MACROD2: variants seen among roughly 807,000 people sequenced by gnomAD.
MACROD2 encodes the protein ADP-ribose glycohydrolase MACROD2.
In MACROD2, 36 loss-of-function variants were observed where a neutral mutation model predicts 70.4. The observed-to-expected ratio is 0.51, with a 90% confidence interval of 0.39 to 0.68. The LOEUF is 0.68. Among genes scored for constraint, MACROD2 ranks in the 30% least tolerant of loss-of-function variants. The probability of loss-of-function intolerance (pLI) is 0.00; values close to 1 mark genes in which losing one functional copy is unlikely to be tolerated. For missense variants in MACROD2, 496 were observed against 538.4 expected, an observed-to-expected ratio of 0.92 and a Z score of 0.78; for synonymous variants, 172 against 178.8, an observed-to-expected ratio of 0.96 and a Z score of 0.30.
chr20:14,380,744 C>A (rs1568586178), intron 3 of MACROD2, among the ~76,000 whole-genome samples: 1 of 152,102 alleles, frequency 6.6e-6, no homozygotes, highest in Non-Finnish European at 1.5e-5. Context: ...TCCAGACTCT[C>A]AATCTGTTTC....
intron 3 of MACROD2, among the ~76,000 whole-genome samples, chr20:14,130,289 T>G (rs576603665): frequency 6.6e-6 from 1 of 152,342 alleles, no homozygotes; most frequent in Admixed American, 6.5e-5. Flanking sequence ...GGCTCACACC[T>G]GTAATCCCAG....
At chr20:14,862,648 T>A (rs1275412602) in intron 5 of MACROD2, among the ~76,000 whole-genome samples, 7 of 48,656 alleles carry the variant, frequency 1.4e-4, no homozygotes, top group Admixed American at 4.3e-4. Flanking sequence ...TATAAATATA[T>A]ATATATAAAT....
intron 13 of MACROD2, among the ~76,000 whole-genome samples, chr20:15,985,249 C>A (rs2066462477): frequency 6.6e-6 from 1 of 152,120 alleles, no homozygotes; most frequent in South Asian, 2.1e-4. Flanking sequence ...GCTCACACCA[C>A]ACACACTCAC....
At chr20:14,961,607 A>C in intron 5 of MACROD2, among the ~76,000 whole-genome samples, 1 of 152,064 alleles carries the variant, frequency 6.6e-6, no homozygotes. Flanking sequence ...AGCTCACTGC[A>C]GCCTAGACCT....
At chr20:14,350,260 G>A (rs2122691903) in intron 3 of MACROD2, among the ~76,000 whole-genome samples, 1 of 152,158 alleles carries the variant, frequency 6.6e-6, no homozygotes, top group African/African-American at 2.4e-5. Context: ...TGGGATTGCT[G>A]GGTCATATGA....
At chr20:15,646,618 G>C (rs1208003482) in intron 8 of MACROD2, among the ~76,000 whole-genome samples, 1 of 152,110 alleles carries the variant, frequency 6.6e-6, no homozygotes, top group Non-Finnish European at 1.5e-5. Context: ...CGCACGTATC[G>C]AGGGAGAGAC....
intron 13 of MACROD2, among the ~76,000 whole-genome samples, chr20:15,971,721 G>A (rs931320863): frequency 6.6e-6 from 1 of 151,968 alleles, no homozygotes; most frequent in Non-Finnish European, 1.5e-5. Context: ...TAATACTCTG[G>A]TTACTGTGAT....
chr20:15,483,557 G>A (rs1257481934), intron 7 of MACROD2, among the ~76,000 whole-genome samples: 1 of 152,064 alleles, frequency 6.6e-6, no homozygotes, highest in Non-Finnish European at 1.5e-5. Context: ...ATAAACTTTA[G>A]AATCAGTTTG....
At chr20:14,089,275 C>T (rs920052309) in intron 3 of MACROD2, among the ~76,000 whole-genome samples, 7 of 152,166 alleles carry the variant, frequency 4.6e-5, no homozygotes, top group Non-Finnish European at 8.8e-5. Context: ...TTACAGCTTT[C>T]TACTGTGCAG....
intron 5 of MACROD2, among the ~76,000 whole-genome samples, chr20:15,016,553 A>G (rs936336318): frequency 3.3e-5 from 5 of 152,062 alleles, no homozygotes; most frequent in East Asian, 1.9e-4. Flanking sequence ...TTTTTGCTCT[A>G]TTCCTTCACA....
intron 4 of MACROD2, among the ~76,000 whole-genome samples, chr20:14,551,919 T>C (rs1045259870): frequency 4.6e-5 from 7 of 152,170 alleles, no homozygotes; most frequent in African/African-American, 1.7e-4. Context: ...TGTAGTTATT[T>C]TGAAGGTAAA....
At chr20:14,159,668 G>T (rs2055155491) in intron 3 of MACROD2, among the ~76,000 whole-genome samples, 1 of 152,118 alleles carries the variant, frequency 6.6e-6, no homozygotes, top group Non-Finnish European at 1.5e-5. Flanking sequence ...ATCATAGGCA[G>T]AGAGGGGCAG....
chr20:14,642,654 G>A (rs1985159315), intron 4 of MACROD2, among the ~76,000 whole-genome samples: 1 of 152,142 alleles, frequency 6.6e-6, no homozygotes, highest in Non-Finnish European at 1.5e-5. Flanking sequence ...GAGAGGAAGA[G>A]AGATGGGCAA....
intron 4 of MACROD2, among the ~76,000 whole-genome samples, chr20:14,664,270 T>G (rs1317427881): frequency 6.6e-6 from 1 of 152,092 alleles, no homozygotes; most frequent in Non-Finnish European, 1.5e-5. Flanking sequence ...AGTTCCACTG[T>G]TACAGCCAAA....
At chr20:15,100,957 A>T (rs1404035147) in intron 5 of MACROD2, among the ~76,000 whole-genome samples, 2 of 152,138 alleles carry the variant, frequency 1.3e-5, no homozygotes, top group East Asian at 3.9e-4. Context: ...GATTCTCTGC[A>T]GGTGAACAGG....
At chr20:14,471,230 G>A (rs371615389) in intron 3 of MACROD2, among the ~76,000 whole-genome samples, 18 of 150,156 alleles carry the variant, frequency 1.2e-4, no homozygotes, top group African/African-American at 3.6e-4. Context: ...ACCCTGCTTC[G>A]GCTAGCCCTC....
chr20:15,392,609 GA>G (rs779398344), intron 6 of MACROD2, among the ~76,000 whole-genome samples: 1 of 152,056 alleles, frequency 6.6e-6, no homozygotes, highest in South Asian at 2.1e-4. Flanking sequence ...ATATTAAAGT[GA>G]TTTACCTAAT....
At chr20:14,830,206 A>G (rs2072948829) in intron 5 of MACROD2, among the ~76,000 whole-genome samples, 1 of 152,156 alleles carries the variant, frequency 6.6e-6, no homozygotes, top group Non-Finnish European at 1.5e-5. Flanking sequence ...TAAGGTTTAA[A>G]GAGGCATCAC....
chr20:14,384,642 A>G (rs2083453364), intron 3 of MACROD2, among the ~76,000 whole-genome samples: 1 of 152,292 alleles, frequency 6.6e-6, no homozygotes, highest in African/African-American at 2.4e-5. Flanking sequence ...TGTAATCTGT[A>G]CTAAACAAGC....
Sources: allele counts gnomAD v4.1 joint callset (sites outside exome capture counted in the v4.1 genomes callset), GRCh38; gene constraint gnomAD v4.1.1; transcripts MANE v1.5; gene names NCBI Gene and HGNC (gene_info 2026-07-23, HGNC 2026-07-21).